The following ANK3 variants were observed in gnomAD, a reference collection of about 807,000 sequenced individuals.
ANK3 encodes ankyrin-3.
ANK3 carries 57 observed loss-of-function variants against 370.9 expected under a neutral mutation model. That is an observed-to-expected ratio of 0.15 (90% CI 0.12 to 0.19). ANK3 has a LOEUF of 0.19. Ranked by LOEUF, ANK3 falls within the 10% of genes least tolerant of loss-of-function variation. The probability of loss-of-function intolerance (pLI) is 1.00; values close to 1 mark genes in which losing one functional copy is unlikely to be tolerated. For missense variants in ANK3, 4,439 were observed against 5,302.1 expected (o/e 0.84, Z 5.06); for synonymous variants, 1,929 against 1,946.3 (o/e 0.99, Z 0.23).
intron 2 of ANK3, among the ~76,000 whole-genome samples, chr10:60,462,488 T>G (rs1408735517): frequency 6.6e-6 from 1 of 152,158 alleles, no homozygotes; most frequent in Non-Finnish European, 1.5e-5. Context: ...TTCTAAGACT[T>G]TGAATCATTT....
intron 23 of ANK3, among the ~76,000 whole-genome samples, chr10:60,154,464 C>T (rs1208099323): frequency 6.6e-6 from 1 of 152,062 alleles, no homozygotes; most frequent in Non-Finnish European, 1.5e-5. Context: ...AGTAATTCAC[C>T]TTACTTTTTT....
chr10:60,521,697 T>A (rs373788859), intron 2 of ANK3, among the ~76,000 whole-genome samples: 1 of 152,118 alleles, frequency 6.6e-6, no homozygotes, highest in African/African-American at 2.4e-5. Context: ...TGTGGTTTCT[T>A]AGAAGCCATT....
chr10:60,113,306 C>T (rs10761455), intron 26 of ANK3, among the ~76,000 whole-genome samples: 50,238 of 152,056 alleles, frequency 0.33, 9,540 homozygotes, highest in East Asian at 0.64. Context: ...CTCGAAAGTT[C>T]AAATTTATAT....
chr10:60,477,307 C>T (rs184046782), intron 2 of ANK3, among the ~76,000 whole-genome samples: 262 of 152,082 alleles, frequency 1.7e-3, no homozygotes, highest in African/African-American at 5.9e-3. Context: ...GATCATCATT[C>T]TCAACTGGAA....
At chr10:60,727,547 T>C (rs1225617028) in intron 1 of ANK3, among the ~76,000 whole-genome samples, 1 of 152,190 alleles carries the variant, frequency 6.6e-6, no homozygotes, top group Non-Finnish European at 1.5e-5. Context: ...GTGAGTTTTA[T>C]TGTATGTGAA....
At chr10:60,713,322 GCATAATTGGACATTAAA>G (rs1481946775) in intron 1 of ANK3, among the ~76,000 whole-genome samples, 2 of 152,022 alleles carry the variant, frequency 1.3e-5, no homozygotes, top group African/African-American at 4.8e-5. Flanking sequence ...AAAAATCTCA[GCATAATTGGACATTAAA>G]CAATACACTT....
At chr10:60,330,470 C>T (rs1336113982) in intron 1 of ANK3, among the ~76,000 whole-genome samples, 1 of 152,050 alleles carries the variant, frequency 6.6e-6, no homozygotes, top group East Asian at 1.9e-4. Context: ...AGGATATGAA[C>T]AGACACTTCT....
chr10:60,627,294 C>A (rs567739134), intron 1 of ANK3, among the ~76,000 whole-genome samples: 2 of 152,060 alleles, frequency 1.3e-5, no homozygotes, highest in East Asian at 3.9e-4. Context: ...CTACTTAATT[C>A]TTCCATTCAG....
chr10:60,434,010 T>C (rs1047520426), intron 2 of ANK3, among the ~76,000 whole-genome samples: 1 of 152,256 alleles, frequency 6.6e-6, no homozygotes. Flanking sequence ...CAGCTATGTT[T>C]ATTACTCATT....
chr10:60,471,290 G>T (rs778228045), intron 2 of ANK3, among the ~76,000 whole-genome samples: 1 of 151,992 alleles, frequency 6.6e-6, no homozygotes, highest in Non-Finnish European at 1.5e-5. Flanking sequence ...AAACAAAAAC[G>T]TATATACACA....
intron 2 of ANK3, among the ~76,000 whole-genome samples, chr10:60,587,269 C>A (rs568408031): frequency 1.3e-5 from 2 of 152,054 alleles, no homozygotes; most frequent in African/African-American, 4.8e-5. Context: ...AAACACCTGG[C>A]GATTACAATT....
intron 28 of ANK3, among the ~76,000 whole-genome samples, chr10:60,089,303 C>G (rs1267895224): frequency 6.6e-6 from 1 of 152,200 alleles, no homozygotes; most frequent in African/African-American, 2.4e-5. Context: ...TATGACTCAA[C>G]TTCCTTAACA....
chr10:60,233,927 A>G (rs937285847), intron 8 of ANK3, among the ~76,000 whole-genome samples: 5 of 152,182 alleles, frequency 3.3e-5, no homozygotes, highest in African/African-American at 1.2e-4. Flanking sequence ...GTCCCTGCCA[A>G]CTACCATACT....
intron 1 of ANK3, among the ~76,000 whole-genome samples, chr10:60,696,451 A>G (rs1168990581): frequency 6.6e-6 from 1 of 151,316 alleles, no homozygotes; most frequent in Non-Finnish European, 1.5e-5. Context: ...CACAACCAAA[A>G]AAGAGAATTT....
At chr10:60,562,474 C>T (rs557814591) in intron 2 of ANK3, among the ~76,000 whole-genome samples, 3 of 152,162 alleles carry the variant, frequency 2.0e-5, no homozygotes, top group African/African-American at 7.2e-5. Flanking sequence ...AGTGCAGTGG[C>T]GTGATCTTGG....
chr10:60,453,789 A>G (rs1011456922), intron 2 of ANK3, among the ~76,000 whole-genome samples: 21 of 152,006 alleles, frequency 1.4e-4, no homozygotes, highest in African/African-American at 3.9e-4. Context: ...GAAATCCCCA[A>G]TTGTGATTGT....
intron 8 of ANK3, among the ~76,000 whole-genome samples, chr10:60,215,273 G>A (rs185636689): frequency 1.2e-3 from 178 of 151,940 alleles, no homozygotes; most frequent in Non-Finnish European, 1.7e-3. Flanking sequence ...TTGTCAAATG[G>A]GTAGACTGCA....
chr10:60,686,859 C>T (rs1490974324), intron 1 of ANK3, among the ~76,000 whole-genome samples: 1 of 152,136 alleles, frequency 6.6e-6, no homozygotes, highest in Non-Finnish European at 1.5e-5. Flanking sequence ...TACCCATATA[C>T]AATCATGCAC....
At chr10:60,033,536 A>AAAAAAAAAAAAAC (rs1554812951) in intron 43 of ANK3, among the ~76,000 whole-genome samples, 2 of 98,394 alleles carry the variant, frequency 2.0e-5, no homozygotes, top group Non-Finnish European at 4.0e-5. Context: ...AAAAAAAAAA[A>AAAAAAAAAAAAAC]AAACTTGGAA....
Sources: gnomAD v4.1 joint callset for allele counts (sites outside exome capture counted in the v4.1 genomes callset) on GRCh38, gnomAD v4.1.1 for gene constraint, MANE v1.5 for transcripts, NCBI Gene and HGNC (gene_info 2026-07-23, HGNC 2026-07-21) for gene names.